The following PCDH17 variants were observed in gnomAD, a reference collection of about 807,000 sequenced individuals.
PCDH17 encodes protocadherin 17.
A neutral mutation model predicts 67.7 loss-of-function variants in PCDH17; 21 were observed. The observed-to-expected ratio is 0.31, with a 90% CI of 0.22 to 0.45. The LOEUF (loss-of-function observed/expected upper bound fraction) is 0.45, where lower values mean the gene tolerates loss of function less well. Among genes scored for constraint, PCDH17 ranks in the 20% least tolerant of loss-of-function variants. The pLI, the probability that PCDH17 is intolerant of heterozygous loss-of-function variation, is 1.00. For missense variants in PCDH17, 1,471 were observed against 1,564.8 expected, an observed-to-expected ratio of 0.94 and a Z score of 1.01; for synonymous variants, 701 against 656.7, an observed-to-expected ratio of 1.07 and a Z score of -1.03.
intron 3 of PCDH17, among the ~76,000 whole-genome samples, chr13:57,706,121 GA>G (rs953269084): frequency 1.3e-5 from 2 of 150,788 alleles, no homozygotes; most frequent in South Asian, 2.1e-4. Context: ...ACACAAAACT[GA>G]AAAAAAAGCA....
At chr13:57,677,765 G>A (rs748650144) in intron 3 of PCDH17, among the ~76,000 whole-genome samples, 2 of 151,802 alleles carry the variant, frequency 1.3e-5, no homozygotes, top group Non-Finnish European at 2.9e-5. Context: ...GATGTTAAAA[G>A]ATAAGAGATT....
At chr13:57,709,212 C>G (rs1955750941) in intron 3 of PCDH17, among the ~76,000 whole-genome samples, 1 of 151,642 alleles carries the variant, frequency 6.6e-6, no homozygotes, top group Admixed American at 6.6e-5. Flanking sequence ...AAGTTCTAGA[C>G]AGCATATATT....
intron 1 of PCDH17, among the ~76,000 whole-genome samples, chr13:57,640,925 T>C (rs930004438): frequency 1.3e-5 from 2 of 152,174 alleles, no homozygotes; most frequent in East Asian, 1.9e-4. Flanking sequence ...TGCACTAGAA[T>C]GTATTCCCCT....
chr13:57,649,932 C>T (rs1293781832), intron 1 of PCDH17, among the ~76,000 whole-genome samples: 1 of 151,936 alleles, frequency 6.6e-6, no homozygotes, highest in Non-Finnish European at 1.5e-5. Flanking sequence ...AGAGGAATAC[C>T]CTATTTTCCA....
At chr13:57,718,897 C>G (rs1368658109) in intron 3 of PCDH17, among the ~76,000 whole-genome samples, 1 of 151,910 alleles carries the variant, frequency 6.6e-6, no homozygotes, top group Non-Finnish European at 1.5e-5. Context: ...GCTGTTATAC[C>G]ATTAAAGCCT....
intron 3 of PCDH17, among the ~76,000 whole-genome samples, chr13:57,685,597 G>A (rs1224005875): frequency 6.6e-6 from 1 of 151,984 alleles, no homozygotes; most frequent in Non-Finnish European, 1.5e-5. Flanking sequence ...TCTACCATAT[G>A]AATATTAAAT....
rs145957273 is a variant in PCDH17, at chr13:57,722,963, A to T, written c.2798-1649A>T. Among the ~76,000 whole-genome samples the T allele has an allele frequency of 2.0e-3, 306 of 152,262 alleles. 1 individual carries two copies. The highest frequency in any genetic ancestry group is 6.6e-3 in the African/African-American group (274 of 41,564). On this transcript the variant is annotated intron_variant, in intron 3 of 3. Transcript: ENST00000377918. ...AAAATTTCAGTTCTAATTTAAATACATAAATAGAGGCTTCTGAAAAAAAAT... is the reference window on the plus strand; with the variant it reads ...AAAATTTCAGTTCTAATTTAAATACTTAAATAGAGGCTTCTGAAAAAAAAT...
chr13:57,682,501 C>A (rs1271475265), intron 3 of PCDH17, among the ~76,000 whole-genome samples: 3 of 151,756 alleles, frequency 2.0e-5, no homozygotes, highest in Non-Finnish European at 4.4e-5. Context: ...AAACTTTTAA[C>A]CTTGGCCAAC....
At chr13:57,646,832 C>A (rs1954971538) in intron 1 of PCDH17, among the ~76,000 whole-genome samples, 1 of 151,730 alleles carries the variant, frequency 6.6e-6, no homozygotes, top group African/African-American at 2.4e-5. Flanking sequence ...TAGTTCAAGT[C>A]CATCTGTTAA....
rs188890708 is a variant in PCDH17, at chr13:57,675,704, T to C, written c.2797+8871T>C. On this transcript the variant is annotated intron_variant, in intron 3 of 3. Transcript: ENST00000377918. ...TGTGAGGTGCAGATGAGTAGCGATGTGTGAGACTAGGAATGGCAGATATGA... is the reference window on the plus strand; with the variant it reads ...TGTGAGGTGCAGATGAGTAGCGATGCGTGAGACTAGGAATGGCAGATATGA... 3.7e-4 allele frequency among the ~76,000 whole-genome samples: 56 copies of C among 152,044 alleles called. No individual in the cohort carries two copies. In the East Asian group the frequency reaches 9.1e-3, roughly 25 times the overall value.
At chr13:57,664,935 G>A (rs1955231216) in intron 1 of PCDH17, among the ~76,000 whole-genome samples, 1 of 152,124 alleles carries the variant, frequency 6.6e-6, no homozygotes, top group African/African-American at 2.4e-5. Flanking sequence ...GAAACAAAAA[G>A]TAAGATGCTT....
chr13:57,695,521 T>C (rs538112817), intron 3 of PCDH17, among the ~76,000 whole-genome samples: 1 of 151,264 alleles, frequency 6.6e-6, no homozygotes, highest in African/African-American at 2.4e-5. Flanking sequence ...AAAAGATTGG[T>C]TTCTAAAGGT....
intron 3 of PCDH17, among the ~76,000 whole-genome samples, chr13:57,705,471 T>C (rs1390880202): frequency 1.3e-5 from 2 of 152,152 alleles, no homozygotes; most frequent in Non-Finnish European, 2.9e-5. Context: ...GAGCTATATT[T>C]ACAAATATAA....
intron 3 of PCDH17, among the ~76,000 whole-genome samples, chr13:57,687,631 C>T (rs1955520502): frequency 6.6e-6 from 1 of 151,782 alleles, no homozygotes; most frequent in Non-Finnish European, 1.5e-5. Flanking sequence ...GATTTGCATT[C>T]ATTATTGACC....
chr13:57,688,529 G>C (rs1955528196), intron 3 of PCDH17, among the ~76,000 whole-genome samples: 1 of 151,918 alleles, frequency 6.6e-6, no homozygotes, highest in South Asian at 2.1e-4. Context: ...CAAATTTTGT[G>C]TTTTGATTTG....
intron 1 of PCDH17, among the ~76,000 whole-genome samples, chr13:57,645,502 A>G (rs1289748521): frequency 6.6e-6 from 1 of 151,626 alleles, no homozygotes; most frequent in Admixed American, 6.6e-5. Flanking sequence ...CTGCTGGTAA[A>G]TAATTTATTT....
At chr13:57,646,172 TACA>T (rs1270415128) in intron 1 of PCDH17, among the ~76,000 whole-genome samples, 1 of 151,630 alleles carries the variant, frequency 6.6e-6, no homozygotes, top group Non-Finnish European at 1.5e-5. Context: ...TAAGCCAACT[TACA>T]ACATTTTTCT....
chr13:57,656,835 T>A lies in PCDH17; in HGVS notation c.2566-9633T>A, dbSNP rs547545116. On this transcript the variant is annotated intron_variant, in intron 1 of 3. Coordinates refer to ENST00000377918, the MANE Select transcript of PCDH17 (RefSeq NM_001040429.3). ...CAGAAGAGAATGGGTGATTTGAGGA[T>A]GTTGGAGTTAGCAGTCTTTAAGTAT... Among the ~76,000 whole-genome samples the A allele has an allele frequency of 5.9e-5, 9 of 152,256 alleles. No homozygotes were observed. The South Asian group carries it at 1.7e-3, about 28-fold the overall frequency.
At chr13:57,643,022 T>C (rs2137987218) in intron 1 of PCDH17, among the ~76,000 whole-genome samples, 1 of 151,718 alleles carries the variant, frequency 6.6e-6, no homozygotes, top group Middle Eastern at 3.4e-3. Context: ...CTAAAATAGT[T>C]CATTTTATTT....
Sources: allele counts gnomAD v4.1 joint callset (sites outside exome capture counted in the v4.1 genomes callset), GRCh38; gene constraint gnomAD v4.1.1; transcripts MANE v1.5; gene names NCBI Gene and HGNC (gene_info 2026-07-23, HGNC 2026-07-21).